The following IFT122 variants were observed in gnomAD, a reference collection of about 807,000 sequenced individuals.
IFT122 encodes the protein intraflagellar transport protein 122 homolog.
Under a neutral mutation model 161.6 loss-of-function variants are expected in IFT122, and 118 were observed. That is an observed-to-expected ratio of 0.73 (90% CI 0.63 to 0.85). The LOEUF (loss-of-function observed/expected upper bound fraction) is 0.85. IFT122 is among the 40% of genes least tolerant of loss of function. The pLI is 0.00. For missense variants in IFT122, 1,381 were observed against 1,579.6 expected (o/e 0.87, Z 2.13); for synonymous variants, 550 against 602.4 (o/e 0.91, Z 1.27).
intron 3 of IFT122, among the ~76,000 whole-genome samples, chr3:129,454,936 AGCAATTACAGGTGATGGTG>A (rs2075297398): frequency 6.6e-6 from 1 of 152,148 alleles, no homozygotes; most frequent in South Asian, 2.1e-4. Flanking sequence ...ACAGACTTGG[AGCAATTACAGGTGATGGTG>A]GCAGAGGCAG....
At position 129,476,413 on chromosome 3, in the gene IFT122, T is replaced by A; in HGVS notation, c.915T>A (p.Ser305=). The change falls in exon 10 of 30, where the codon TCT becomes TCA. Residue 305 remains serine (S), a synonymous_variant. Transcript: ENST00000348417. ...ILLGGSDKQV[S]LFTKDGVRLG... ...TGGGGGGTTCAGACAAGCAAGTATC[T>A]CTTTTCACCAAGGATGGAGTGCGGC... is the stretch of plus-strand genomic sequence containing the variant. 6.2e-7 allele frequency: 1 copy of A among 1,614,116 alleles called. No homozygotes were observed. Among genetic ancestry groups the A allele is most frequent in the Non-Finnish European group, 8.5e-7 (1 of 1,180,034 alleles).
chr3:129,490,731 G>A (rs2079979828), intron 16 of IFT122, among the ~76,000 whole-genome samples: 1 of 152,190 alleles, frequency 6.6e-6, no homozygotes, highest in African/African-American at 2.4e-5. Flanking sequence ...GCTTTGCAGG[G>A]TTGCCCTCTC....
intron 1 of IFT122, among the ~76,000 whole-genome samples, chr3:129,446,481 C>T (rs2107845719): frequency 6.6e-6 from 1 of 152,226 alleles, no homozygotes; most frequent in South Asian, 2.1e-4. Flanking sequence ...TCCCAAAGTG[C>T]TGGGATTACA....
At chr3:129,474,987 T>TAA (rs1207347677) in intron 9 of IFT122, among the ~76,000 whole-genome samples, 2 of 152,072 alleles carry the variant, frequency 1.3e-5, no homozygotes, top group Non-Finnish European at 2.9e-5. Context: ...ACCCCACCTC[T>TAA]AAAAAAATAT....
At chr3:129,507,618 C>T (rs746444429) in intron 22 of IFT122, 50 bp from the exon 23 acceptor site, 2 of 1,466,810 alleles carry the variant, frequency 1.4e-6, no homozygotes, top group Non-Finnish European at 1.9e-6. Context: ...CAGTTGGCAG[C>T]CACAGACACT....
intron 18 of IFT122, among the ~76,000 whole-genome samples, chr3:129,497,957 G>A (rs2081083487): frequency 6.6e-6 from 1 of 152,154 alleles, no homozygotes; most frequent in South Asian, 2.1e-4. Flanking sequence ...GGTGATAAAG[G>A]GAATTATAAT....
rs749571432 is a variant in IFT122 at position 129,488,429 on chromosome 3, G to C, written c.1992+32G>C. On this transcript the variant is annotated intron_variant, in intron 16 of 29. Transcript: ENST00000348417. ...ATCTAGCCAGCAGGAGCTGGAGTTTGGTCCTTGTGGGGTCCCTTAAGAAGG... is the reference window on the plus strand; with the variant it reads ...ATCTAGCCAGCAGGAGCTGGAGTTTCGTCCTTGTGGGGTCCCTTAAGAAGG... 23 of 1,613,738 alleles carry C rather than the reference G, an allele frequency of 1.4e-5. No individual in the cohort carries two copies. In the Admixed American group the frequency reaches 3.7e-4, roughly 26 times the overall value.
chr3:129,492,405 G>T (rs920243766), intron 17 of IFT122, among the ~76,000 whole-genome samples: 2 of 152,194 alleles, frequency 1.3e-5, no homozygotes, highest in Non-Finnish European at 2.9e-5. Flanking sequence ...ATAGCTGGGT[G>T]AGGCACATGG....
At chr3:129,479,310 G>A (rs2078354298) in intron 12 of IFT122, among the ~76,000 whole-genome samples, 3 of 151,546 alleles carry the variant, frequency 2.0e-5, no homozygotes. Flanking sequence ...GGTGGCGCTT[G>A]CCTGTAGTCC....
intron 11 of IFT122, among the ~76,000 whole-genome samples, chr3:129,477,284 C>G (rs542713353): frequency 6.6e-6 from 1 of 152,126 alleles, no homozygotes; most frequent in East Asian, 1.9e-4. Flanking sequence ...TCAGAGTTCC[C>G]GGCCTCGCAT....
chr3:129,490,891 G>A (rs548739929), intron 16 of IFT122, among the ~76,000 whole-genome samples: 1 of 152,296 alleles, frequency 6.6e-6, no homozygotes, highest in East Asian at 1.9e-4. Flanking sequence ...TTGTTTGCCA[G>A]GTTCTGACTC....
intron 2 of IFT122, among the ~76,000 whole-genome samples, 153 bp from the exon 3 acceptor site, chr3:129,451,761 C>T (rs774687371): frequency 2.0e-5 from 3 of 152,110 alleles, no homozygotes; most frequent in Admixed American, 6.5e-5. Flanking sequence ...CTTTAAGTCA[C>T]GTTGTTTTTG....
chr3:129,464,129 C>T (rs142737484), intron 6 of IFT122, among the ~76,000 whole-genome samples: 8 of 152,300 alleles, frequency 5.3e-5, no homozygotes, highest in South Asian at 2.1e-4. Context: ...GAGTGTAAAG[C>T]GTGCAGGACA....
intron 1 of IFT122, among the ~76,000 whole-genome samples, chr3:129,448,856 G>A (rs1476855798): frequency 6.6e-6 from 1 of 151,832 alleles, no homozygotes; most frequent in Non-Finnish European, 1.5e-5. Context: ...CCACCACCAT[G>A]CCCAGCTAAT....
At position 129,511,292 on chromosome 3, in the gene IFT122, G is replaced by T. The variant is rs969513509; in HGVS notation, c.2887-1020G>T. ...TTACCCTGGAAAGGATGTGGTCTCA[G>T]GTTTTCTTGGGTTCTTGGAGCTAAC... On this transcript the variant is annotated intron_variant, in intron 23 of 29. Coordinates refer to ENST00000348417, the MANE Select transcript of IFT122 (RefSeq NM_052989.3). Among the ~76,000 whole-genome samples, 3 of 152,210 alleles carry T rather than the reference G, an allele frequency of 2.0e-5. No individual in the cohort carries two copies. The East Asian group carries it at 5.8e-4, about 29-fold the overall frequency.
chr3:129,454,406 A>AG (rs1313861305), intron 3 of IFT122, among the ~76,000 whole-genome samples: 2 of 152,044 alleles, frequency 1.3e-5, no homozygotes, highest in East Asian at 3.9e-4. Flanking sequence ...AAAAAAAAAA[A>AG]AAAAAGACAA....
chr3:129,460,791 G>A (rs1044702779), intron 4 of IFT122: 12 of 1,348,176 alleles, frequency 8.9e-6, no homozygotes, highest in East Asian at 6.9e-5. Flanking sequence ...GGGTTGAGAC[G>A]CCTTGCATGG....
intron 8 of IFT122, 23 bp from the exon 9 acceptor site, chr3:129,469,319 C>T: frequency 1.9e-6 from 3 of 1,604,910 alleles, no homozygotes; most frequent in Non-Finnish European, 2.6e-6. Flanking sequence ...CCTTCATAAC[C>T]TCTTTTATCT....
At chr3:129,483,365 C>T in intron 14 of IFT122, 120 bp from the exon 15 acceptor site, 1 of 852,254 alleles carries the variant, frequency 1.2e-6, no homozygotes, top group Non-Finnish European at 2.0e-6. Flanking sequence ...CTTTTCCCTC[C>T]ATCCCACTGT....
Sources: gnomAD v4.1 joint callset for allele counts (sites outside exome capture counted in the v4.1 genomes callset) on GRCh38, gnomAD v4.1.1 for gene constraint, MANE v1.5 for transcripts, NCBI Gene and HGNC (gene_info 2026-07-23, HGNC 2026-07-21) for gene names.